The following KCNH1 variants were observed in gnomAD, a reference collection of about 807,000 sequenced individuals.
KCNH1 encodes the protein voltage-gated delayed rectifier potassium channel KCNH1.
Under a neutral mutation model 69.2 loss-of-function variants are expected in KCNH1, and 27 were observed. The ratio of observed to expected loss-of-function variants is 0.39; its 90% CI spans 0.29 to 0.54. The LOEUF is 0.54. KCNH1 is among the 20% of genes least tolerant of loss of function. The probability of loss-of-function intolerance (pLI) is 0.68; values close to 1 mark genes in which losing one functional copy is unlikely to be tolerated. For missense variants in KCNH1, 798 were observed against 1,261.6 expected, an observed-to-expected ratio of 0.63 and a Z score of 5.57; for synonymous variants, 456 against 487.7, an observed-to-expected ratio of 0.93 and a Z score of 0.86.
At chr1:210,884,574 T>A (rs905219887) in intron 7 of KCNH1, among the ~76,000 whole-genome samples, 2 of 152,196 alleles carry the variant, frequency 1.3e-5, no homozygotes, top group Non-Finnish European at 2.9e-5. Flanking sequence ...TGATCTTTCC[T>A]CAACCTCAGG....
At chr1:211,082,183 G>C (rs1054319619) in intron 5 of KCNH1, among the ~76,000 whole-genome samples, 3 of 152,042 alleles carry the variant, frequency 2.0e-5, no homozygotes, top group Non-Finnish European at 4.4e-5. Flanking sequence ...TATTTATTAA[G>C]ATGTAAAAAT....
At chr1:210,936,391 C>A (rs541089194) in intron 6 of KCNH1, among the ~76,000 whole-genome samples, 29 of 152,330 alleles carry the variant, frequency 1.9e-4, no homozygotes, top group African/African-American at 6.7e-4. Flanking sequence ...TTTCCGCCAG[C>A]ACCCTGCTTT....
chr1:210,939,371 T>C (rs1687838681), intron 6 of KCNH1, among the ~76,000 whole-genome samples: 2 of 152,068 alleles, frequency 1.3e-5, no homozygotes, highest in Non-Finnish European at 2.9e-5. Context: ...CATTGTTAAA[T>C]AGGGTTGTGA....
At chr1:211,095,250 G>A (rs1489226791) in intron 3 of KCNH1, among the ~76,000 whole-genome samples, 1 of 152,196 alleles carries the variant, frequency 6.6e-6, no homozygotes, top group African/African-American at 2.4e-5. Flanking sequence ...AGCATTTGAT[G>A]TCCTACTGCA....
rs1688904852 is a variant in KCNH1 at position 210,989,675 on chromosome 1, GAGATTTAAAA to G, written c.1032+29098_1032+29107del. ...GAGTATCTTGTGTGTAGCACTTCAA[GAGATTTAAAA>G]CTTCAAGAGATTCAAATGCAGTGAA... On this transcript the variant is annotated intron_variant, in intron 6 of 10. Transcript: ENST00000271751. Among the ~76,000 whole-genome samples the G allele has an allele frequency of 3.9e-5, 6 of 152,292 alleles. No individual in the cohort carries two copies. The East Asian group carries it at 7.7e-4, about 20-fold the overall frequency.
chr1:211,093,375 T>A (rs1691089950), intron 3 of KCNH1, among the ~76,000 whole-genome samples: 1 of 152,194 alleles, frequency 6.6e-6, no homozygotes, highest in South Asian at 2.1e-4. Context: ...AACCTCCACA[T>A]CCTGGATTCA....
chr1:210,960,191 A>G (rs1241051552), intron 6 of KCNH1, among the ~76,000 whole-genome samples: 1 of 152,202 alleles, frequency 6.6e-6, no homozygotes. Context: ...GAGGACTAGA[A>G]CATCACCAAT....
At chr1:210,955,019 G>A (rs1478259582) in intron 6 of KCNH1, among the ~76,000 whole-genome samples, 1 of 152,112 alleles carries the variant, frequency 6.6e-6, no homozygotes, top group Admixed American at 6.5e-5. Flanking sequence ...TTCTTCTAGG[G>A]TTTTTACGGT....
chr1:210,876,772 G>A (rs969973384), intron 7 of KCNH1, among the ~76,000 whole-genome samples: 1 of 152,100 alleles, frequency 6.6e-6, no homozygotes, highest in Non-Finnish European at 1.5e-5. Context: ...GCTCAGCTCT[G>A]TATGGGGCAG....
chr1:211,086,587 A>C (rs894761034), intron 4 of KCNH1, among the ~76,000 whole-genome samples: 1 of 152,182 alleles, frequency 6.6e-6, no homozygotes, highest in Non-Finnish European at 1.5e-5. Flanking sequence ...ACAATCTAGC[A>C]ATCAGTTAAA....
rs75701038 is a variant in KCNH1, at chr1:210,774,923, T to C, written c.2112+425A>G. On this transcript the variant is annotated intron_variant, in intron 10 of 10. Transcript: ENST00000271751. ...ATATCTGTTAAAAAATTACCATTAC[T>C]AGCTGGCAGGCTAATGGCTTCATAC... Among the ~76,000 whole-genome samples, 1,006 of 152,302 alleles carry C rather than the reference T, an allele frequency of 6.6e-3. 6 individuals carry two copies. Among genetic ancestry groups the C allele is most frequent in the Admixed American group, 0.011 (161 of 15,294 alleles).
At chr1:210,897,838 G>C (rs1686903809) in intron 7 of KCNH1, among the ~76,000 whole-genome samples, 1 of 152,226 alleles carries the variant, frequency 6.6e-6, no homozygotes, top group Admixed American at 6.5e-5. Flanking sequence ...AGGAAGCTGA[G>C]AGGCAGAAGC....
chr1:210,860,366 C>G lies in KCNH1; in HGVS notation c.1463-56200G>C. 7 of 1,430,238 alleles carry G rather than the reference C, an allele frequency of 4.9e-6. No individual in the cohort carries two copies. In the South Asian group the frequency reaches 6.9e-5, roughly 14 times the overall value. The allele number at this position is 1,430,238 out of a possible 1,614,324, so 88.6% of individuals were successfully genotyped here. ...TGCTGTTGTAAAACAGTACCAATGACCTGTAAGCAGATTCCCTCAAGCTGT... is the reference window on the plus strand; with the variant it reads ...TGCTGTTGTAAAACAGTACCAATGAGCTGTAAGCAGATTCCCTCAAGCTGT... On this transcript the variant is annotated intron_variant, in intron 7 of 10. Coordinates refer to ENST00000271751, the MANE Select transcript of KCNH1 (RefSeq NM_172362.3).
At chr1:210,696,799 C>A (rs1681651783) in intron 10 of KCNH1, among the ~76,000 whole-genome samples, 1 of 152,214 alleles carries the variant, frequency 6.6e-6, no homozygotes, top group South Asian at 2.1e-4. Context: ...GTTCCTAAAG[C>A]TTTCAGAGAA....
chr1:210,888,152 T>A (rs997423438), intron 7 of KCNH1, among the ~76,000 whole-genome samples: 8 of 152,098 alleles, frequency 5.3e-5, no homozygotes, highest in African/African-American at 1.7e-4. Context: ...GACCACAAAA[T>A]TGGAAGTAAA....
intron 3 of KCNH1, among the ~76,000 whole-genome samples, chr1:211,096,930 T>C (rs1691167451): frequency 6.6e-6 from 1 of 152,212 alleles, no homozygotes; most frequent in Admixed American, 6.5e-5. Flanking sequence ...CATTGAGTAC[T>C]TACAAAGGGG....
intron 2 of KCNH1, among the ~76,000 whole-genome samples, 183 bp downstream of exon 2, chr1:211,107,069 CTA>C (rs1691359543): frequency 6.6e-6 from 1 of 152,148 alleles, no homozygotes; most frequent in African/African-American, 2.4e-5. Flanking sequence ...GTTGTGGGAA[CTA>C]TGTTTTACAT....
intron 5 of KCNH1, among the ~76,000 whole-genome samples, chr1:211,029,502 C>A (rs1188085322): frequency 1.3e-5 from 2 of 150,690 alleles, no homozygotes; most frequent in Non-Finnish European, 3.0e-5. Flanking sequence ...CACCCAACAC[C>A]CATTCATAAA....
intron 10 of KCNH1, among the ~76,000 whole-genome samples, chr1:210,720,068 A>T (rs1420911205): frequency 6.6e-6 from 1 of 152,192 alleles, no homozygotes; most frequent in Non-Finnish European, 1.5e-5. Flanking sequence ...CACTGGGAAC[A>T]TCTCTAAAGC....
Sources: gnomAD v4.1 joint callset for allele counts (sites outside exome capture counted in the v4.1 genomes callset) on GRCh38, gnomAD v4.1.1 for gene constraint, MANE v1.5 for transcripts, NCBI Gene and HGNC (gene_info 2026-07-23, HGNC 2026-07-21) for gene names.